RASGEF1A: variants seen among roughly 807,000 people sequenced by gnomAD.
RASGEF1A encodes ras-GEF domain-containing family member 1A.
In RASGEF1A, 18 loss-of-function variants were observed where a neutral mutation model predicts 56.4. The observed-to-expected ratio is 0.32, with a 90% CI of 0.22 to 0.47. RASGEF1A has a LOEUF of 0.47. RASGEF1A is among the 20% of genes least tolerant of loss of function. RASGEF1A has a pLI of 1.00. For missense variants in RASGEF1A, 422 were observed against 627.1 expected (o/e 0.67, Z 3.49); for synonymous variants, 245 against 242.6 (o/e 1.01, Z -0.09).
intron 1 of RASGEF1A, among the ~76,000 whole-genome samples, chr10:43,242,233 A>G (rs1393152937): frequency 2.6e-5 from 4 of 152,222 alleles, no homozygotes; most frequent in Non-Finnish European, 5.9e-5. Flanking sequence ...TTAATATTAG[A>G]GAAAATAGAC....
intron 1 of RASGEF1A, among the ~76,000 whole-genome samples, chr10:43,235,428 C>T (rs1433993637): frequency 6.6e-6 from 1 of 152,188 alleles, no homozygotes; most frequent in Non-Finnish European, 1.5e-5. Context: ...TGTGTCCATG[C>T]GCCTTGGCCA....
At chr10:43,237,564 C>T (rs1188954058) in intron 1 of RASGEF1A, among the ~76,000 whole-genome samples, 1 of 151,942 alleles carries the variant, frequency 6.6e-6, no homozygotes, top group Non-Finnish European at 1.5e-5. Context: ...TTCTTCTTAC[C>T]TACATTTCTA....
At position 43,196,653 on chromosome 10, in the gene RASGEF1A, C is replaced by G; in HGVS notation, c.1349-105G>C. ...GCCCAGCACAAGGGGACAGTGACCT[C>G]TGGCTGGGCTGAACACAGTTCTCTG... On this transcript the variant is annotated intron_variant, in intron 11 of 12. Transcript: ENST00000395810. This position sits in a 1 kb window ranked among gnomAD's most constrained non-coding sequence, Gnocchi z 4.6. 1 of 1,082,418 alleles carries G rather than the reference C, an allele frequency of 9.2e-7. No homozygotes were observed. Among genetic ancestry groups the G allele is most frequent in the South Asian group, 1.3e-5 (1 of 79,464 alleles). 67.1% of individuals were successfully genotyped at this position (1,082,418 alleles called of 1,614,324 possible). A position where few individuals can be genotyped will look rare whatever the true frequency, so the allele number is the denominator to read the frequency against.
chr10:43,242,542 G>T (rs186049218), intron 1 of RASGEF1A, among the ~76,000 whole-genome samples: 31 of 151,270 alleles, frequency 2.0e-4, no homozygotes, highest in African/African-American at 6.8e-4. Context: ...CTCGCTCTCC[G>T]TCTCCCTCTT....
At chr10:43,199,639 T>C in intron 7 of RASGEF1A, 37 bp downstream of exon 7, 1 of 1,546,022 alleles carries the variant, frequency 6.5e-7, no homozygotes, top group Non-Finnish European at 8.9e-7. Flanking sequence ...GGTGTGGGCA[T>C]GGCAGCCACC....
At position 43,244,940 on chromosome 10, in the gene RASGEF1A, TA is replaced by T. The variant is rs1364047563; in HGVS notation, c.-7+21904del. On this transcript the variant is annotated intron_variant, in intron 1 of 12. Coordinates refer to ENST00000395810, the MANE Select transcript of RASGEF1A (RefSeq NM_145313.4). ...AAGAGAAGCAAATTAAATTAACAAATAACAGAAGAAGAAAATACTAGAGTGA... is the reference window on the plus strand; with the variant it reads ...AAGAGAAGCAAATTAAATTAACAAATACAGAAGAAGAAAATACTAGAGTGA... 2.9e-4 allele frequency among the ~76,000 whole-genome samples: 44 copies of T among 151,102 alleles called. 1 individual carries two copies. The highest frequency in any genetic ancestry group is 1.1e-3 in the African/African-American group (44 of 41,158).
Position 43,200,165 on chromosome 10 carries a change from G to A in RASGEF1A, c.756+17C>T, listed in dbSNP as rs763265965. ...AGACAGGGCTGGCAGGGGTGCCACA[G>A]GCCTTGGCCCACTTACCCTGTGGTT... On this transcript the variant is annotated intron_variant, in intron 6 of 12. Coordinates refer to ENST00000395810, the MANE Select transcript of RASGEF1A (RefSeq NM_145313.4). 7.0e-6 allele frequency: 11 copies of A among 1,579,832 alleles called. No individual in the cohort carries two copies. The Middle Eastern group carries it at 8.5e-4, about 122-fold the overall frequency.
chr10:43,224,830 T>C (rs898765734), intron 1 of RASGEF1A, among the ~76,000 whole-genome samples: 3 of 152,246 alleles, frequency 2.0e-5, no homozygotes, highest in African/African-American at 7.2e-5. Context: ...ATTTCTTGGA[T>C]TTTCCAGGAA....
At chr10:43,206,956 A>T (rs769352889) in intron 1 of RASGEF1A, 10 of 985,440 alleles carry the variant, frequency 1.0e-5, no homozygotes, top group Non-Finnish European at 1.2e-5. Context: ...CCTCCACAGC[A>T]TGGCCCGCTG....
At chr10:43,237,318 G>A (rs1244620956) in intron 1 of RASGEF1A, among the ~76,000 whole-genome samples, 1 of 151,852 alleles carries the variant, frequency 6.6e-6, no homozygotes, top group African/African-American at 2.4e-5. Flanking sequence ...CCCCGACCCC[G>A]GAGGCTCCTA....
rs1197600224 is a variant in RASGEF1A, at chr10:43,201,788, A to G, written c.459+20T>C. Reference sequence around the variant, plus strand: ...TGGCACACACCCAAAGACCCTGGCCAGAGCCCAGGGAGCACTCACCTCATC... The same window carrying G: ...TGGCACACACCCAAAGACCCTGGCCGGAGCCCAGGGAGCACTCACCTCATC... On this transcript the variant is annotated intron_variant, in intron 4 of 12. Coordinates refer to ENST00000395810, the MANE Select transcript of RASGEF1A (RefSeq NM_145313.4). The G allele has an allele frequency of 1.3e-6, 2 of 1,555,606 alleles. No homozygotes were observed. The highest frequency in any genetic ancestry group is 2.3e-5 in the South Asian group (2 of 86,014).
At chr10:43,237,441 TCCTCC>T (rs1306469552) in intron 1 of RASGEF1A, among the ~76,000 whole-genome samples, 26 of 12,484 alleles carry the variant, frequency 2.1e-3, no homozygotes, top group Admixed American at 7.9e-4. Context: ...ACTCTCCCCC[TCCTCC>T]CCTCCCCTCC....
intron 1 of RASGEF1A, among the ~76,000 whole-genome samples, chr10:43,234,195 C>T (rs950325929): frequency 1.3e-5 from 2 of 152,154 alleles, no homozygotes; most frequent in African/African-American, 4.8e-5. Context: ...ACTTCAATCA[C>T]ATGAAGAAAA....
chr10:43,237,183 G>A (rs927994365), intron 1 of RASGEF1A, among the ~76,000 whole-genome samples: 1 of 151,986 alleles, frequency 6.6e-6, no homozygotes, highest in Non-Finnish European at 1.5e-5. Context: ...GGGCCAGTGT[G>A]GCCTTGTGAG....
chr10:43,203,511 C>G, intron 2 of RASGEF1A, 91 bp from the exon 3 acceptor site: 2 of 1,443,030 alleles, frequency 1.4e-6, no homozygotes, highest in South Asian at 2.9e-5. Flanking sequence ...GGCTGCCTCC[C>G]AGGCCCAGCA....
At chr10:43,241,264 G>A (rs1840494850) in intron 1 of RASGEF1A, among the ~76,000 whole-genome samples, 1 of 152,046 alleles carries the variant, frequency 6.6e-6, no homozygotes, top group Non-Finnish European at 1.5e-5. Flanking sequence ...AAAGACAACT[G>A]GTCTATGACC....
chr10:43,209,537 G>A lies in RASGEF1A; in HGVS notation c.-6-3415C>T, dbSNP rs540860739. On this transcript the variant is annotated intron_variant, in intron 1 of 12. Coordinates refer to ENST00000395810, the MANE Select transcript of RASGEF1A (RefSeq NM_145313.4). ...AAGATCAGAGGAGCCCCTGTGTAAG[G>A]TGCTGGGCACCAGGTGCCTCCTCAC... is the stretch of plus-strand genomic sequence containing the variant. 2.6e-5 allele frequency among the ~76,000 whole-genome samples: 4 copies of A among 152,326 alleles called. No individual in the cohort carries two copies. The South Asian group carries it at 6.2e-4, about 24-fold the overall frequency.
chr10:43,202,232 T>G (rs1380208001), intron 3 of RASGEF1A, among the ~76,000 whole-genome samples: 1 of 152,218 alleles, frequency 6.6e-6, no homozygotes, highest in African/African-American at 2.4e-5. Flanking sequence ...CCATTTGCTA[T>G]AATTAGAAGT....
chr10:43,210,173 G>A (rs552020892), intron 1 of RASGEF1A, among the ~76,000 whole-genome samples: 4 of 152,242 alleles, frequency 2.6e-5, no homozygotes, highest in Non-Finnish European at 4.4e-5. Context: ...AAGCTGCACC[G>A]GCTAACTCAG....
Sources: gnomAD v4.1 joint callset for allele counts (sites outside exome capture counted in the v4.1 genomes callset) on GRCh38, gnomAD v4.1.1 for gene constraint, Gnocchi (gnomAD v3.1) non-coding constraint, MANE v1.5 for transcripts, NCBI Gene and HGNC (gene_info 2026-07-23, HGNC 2026-07-21) for gene names.